Variants in DNAH10 observed in about 807,000 individuals in gnomAD.
The protein encoded by DNAH10 is axonemal beta dynein heavy chain 10.
A neutral mutation model predicts 506.6 loss-of-function variants in DNAH10; 348 were observed. The observed-to-expected ratio is 0.69, with a 90% confidence interval of 0.63 to 0.75. The LOEUF (loss-of-function observed/expected upper bound fraction) is 0.75, where lower values mean the gene tolerates loss of function less well. DNAH10 is among the 30% of genes least tolerant of loss of function. DNAH10 has a pLI of 0.00. For missense variants in DNAH10, 5,179 were observed against 5,787.1 expected (o/e 0.89, Z 3.41); for synonymous variants, 2,059 against 2,198.6 (o/e 0.94, Z 1.78).
chr12:123,878,860 A>G (rs541867529), intron 48 of DNAH10, among the ~76,000 whole-genome samples: 5 of 152,288 alleles, frequency 3.3e-5, no homozygotes, highest in East Asian at 1.9e-4. Context: ...GATTGTGCCA[A>G]TGCACCAGCC....
intron 32 of DNAH10, among the ~76,000 whole-genome samples, chr12:123,847,416 C>G (rs762101619): frequency 1.7e-4 from 26 of 152,108 alleles, no homozygotes. Flanking sequence ...TCTGATTACT[C>G]TCACAATCTG....
chr12:123,864,558 C>G (rs376646655), intron 39 of DNAH10, 37 bp from the exon 40 acceptor site: 5 of 1,609,760 alleles, frequency 3.1e-6, no homozygotes, highest in South Asian at 1.1e-5. Flanking sequence ...TGGAAGCTCT[C>G]TAGGACCCAT....
intron 18 of DNAH10, 129 bp downstream of exon 18, chr12:123,805,169 G>A: frequency 1.1e-6 from 1 of 935,566 alleles, no homozygotes; most frequent in Non-Finnish European, 1.6e-6. Flanking sequence ...CTTTCTGGCA[G>A]AAGGGCACTC....
rs1594094361 is a variant in DNAH10 at position 123,814,075 on chromosome 12, A to G, written c.3780+163A>G. 3 of 631,558 alleles carry G rather than the reference A, an allele frequency of 4.8e-6. No individual in the cohort carries two copies. In the East Asian group the frequency reaches 9.1e-5, roughly 19 times the overall value. 39.1% of individuals were successfully genotyped at this position (631,558 alleles called of 1,614,324 possible). A position where few individuals can be genotyped will look rare whatever the true frequency, so the allele number is the denominator to read the frequency against. The stretch of plus-strand genomic sequence containing the variant: ...AGCAATGCCACTGTTATTTAGAATA[A>G]TGAAAATATAGAGTATTTTTCAATC... On this transcript the variant is annotated intron_variant, in intron 21 of 78. Transcript: ENST00000673944.
At chr12:123,779,287 C>A (rs1452240145) in intron 5 of DNAH10, among the ~76,000 whole-genome samples, 1 of 152,040 alleles carries the variant, frequency 6.6e-6, no homozygotes, top group Non-Finnish European at 1.5e-5. Context: ...GAGATTTTCC[C>A]GCCTTGGCCT....
chr12:123,904,609 C>G (rs1366173137), intron 57 of DNAH10, among the ~76,000 whole-genome samples: 1 of 152,136 alleles, frequency 6.6e-6, no homozygotes, highest in African/African-American at 2.4e-5. Context: ...GCCCCGCTCA[C>G]CCCTGAGAAA....
At chr12:123,794,558 A>T (rs1958204080) in intron 12 of DNAH10, among the ~76,000 whole-genome samples, 1 of 152,224 alleles carries the variant, frequency 6.6e-6, no homozygotes, top group Non-Finnish European at 1.5e-5. Flanking sequence ...AAAAATGCTT[A>T]TAATCTGCTG....
chr12:123,873,622 C>T lies in DNAH10; in HGVS notation c.7850C>T (p.Ala2617Val). 6.2e-7 allele frequency: 1 copy of T among 1,613,902 alleles called. No homozygotes were observed. Among genetic ancestry groups the T allele is most frequent in the South Asian group, 1.1e-5 (1 of 91,068 alleles). ...TSMDIQRNLE[A>V]NVEKRTKDTY... ...ATGGATATCCAAAGAAATTTAGAAG[C>T]AAATGTGGAAAAGCGAACCAAAGAT... Residue 2617 changes from alanine to valine, a missense_variant, in exon 46 of 79, where the codon GCA (alanine) becomes GTA (valine). By Grantham distance (64) the Ala-to-Val change is moderately conservative. This residue lies in a region of DNAH10 where 4,844 missense variants were observed against 5,430.5 expected (regional missense o/e 0.89). Transcript: ENST00000673944.
intron 30 of DNAH10, among the ~76,000 whole-genome samples, chr12:123,843,942 C>T (rs560208424): frequency 1.7e-4 from 26 of 152,282 alleles, no homozygotes; most frequent in Non-Finnish European, 3.2e-4. Flanking sequence ...TATAGTAATC[C>T]GCAGTCACTT....
Position 123,835,630 on chromosome 12 carries a change from C to T in DNAH10, c.4902+102C>T, listed in dbSNP as rs186851670. 6.2e-5 allele frequency: 90 copies of T among 1,459,510 alleles called. No individual in the cohort carries two copies. The African/African-American group carries it at 1.0e-3, about 17-fold the overall frequency. The allele number at this position is 1,459,510 out of a possible 1,614,324, so 90.4% of individuals were successfully genotyped here. A position where few individuals can be genotyped will look rare whatever the true frequency, so the allele number is the denominator to read the frequency against. ...TGTATTTTCTCCATTAGTAGCTTCT[C>T]TCTCATTTTTTAGAGACAGGGTTTT... is the stretch of plus-strand genomic sequence containing the variant. On this transcript the variant is annotated intron_variant, in intron 28 of 78. Transcript: ENST00000673944.
chr12:123,935,533 G>GAA lies in DNAH10; in HGVS notation c.*52_*53insAA. On this transcript the variant is annotated 3_prime_UTR_variant, in exon 79 of 79. Transcript: ENST00000673944. ...GAATTCGGAGCCTGGGGTTGTCAGA[G>GAA]TGATCGGGTCTGCTGTCATTTCTTG... 1 of 1,086,992 alleles carries GAA rather than the reference G, an allele frequency of 9.2e-7. No individual in the cohort carries two copies. Among genetic ancestry groups the GAA allele is most frequent in the Non-Finnish European group, 1.3e-6 (1 of 753,450 alleles). 67.3% of individuals were successfully genotyped at this position (1,086,992 alleles called of 1,614,324 possible).
At chr12:123,830,746 A>C (rs2136498501) in intron 26 of DNAH10, 47 bp downstream of exon 26, 1 of 1,527,762 alleles carries the variant, frequency 6.5e-7, no homozygotes, top group Non-Finnish European at 8.8e-7. Flanking sequence ...TCTTTTTTTA[A>C]TTCAAAGAGA....
chr12:123,882,542 C>T (rs1952551575), intron 51 of DNAH10, among the ~76,000 whole-genome samples: 1 of 152,124 alleles, frequency 6.6e-6, no homozygotes, highest in Non-Finnish European at 1.5e-5. Flanking sequence ...CCAGTAATCC[C>T]AGCACTTTGG....
chr12:123,814,912 C>T (rs578007105), intron 21 of DNAH10, among the ~76,000 whole-genome samples: 7 of 152,252 alleles, frequency 4.6e-5, no homozygotes, highest in South Asian at 2.1e-4. Flanking sequence ...CCACCGCGCC[C>T]GGCCTAGCCA....
Position 123,859,279 on chromosome 12 carries a change from C to G in DNAH10, c.6749+11C>G, listed in dbSNP as rs759012698. The G allele has an allele frequency of 1.9e-6, 3 of 1,572,250 alleles. No individual in the cohort carries two copies. The highest frequency in any genetic ancestry group is 2.4e-5 in the South Asian group (2 of 83,184). On this transcript the variant is annotated intron_variant, in intron 38 of 78. Transcript: ENST00000673944. ...TCAGGCCCAGACCAAGTGAGTATGA[C>G]CTCCGTAGGGAGGGCCTGGCTGCCA... is the stretch of plus-strand genomic sequence containing the variant.
chr12:123,840,394 G>GTTT (rs71088961), intron 29 of DNAH10, among the ~76,000 whole-genome samples: 8 of 37,786 alleles, frequency 2.1e-4, no homozygotes, highest in Non-Finnish European at 3.2e-4. Context: ...TCTGTTTCCA[G>GTTT]TTTTTTTTTT....
At chr12:123,864,846 G>A in intron 40 of DNAH10, 116 bp downstream of exon 40, 3 of 1,272,420 alleles carry the variant, frequency 2.4e-6, no homozygotes, top group East Asian at 2.6e-5. Flanking sequence ...CAATGCATAA[G>A]GGTTTATAAT....
In DNAH10 at chr12:123,913,031, G is replaced by A. The variant is rs1954300049; in HGVS notation, c.10135-67G>A. On this transcript the variant is annotated intron_variant, in intron 59 of 78. Coordinates refer to ENST00000673944, the MANE Select transcript of DNAH10 (RefSeq NM_001372106.1). This position sits in a 1 kb window ranked among gnomAD's most constrained non-coding sequence, Gnocchi z 5.1. Reference sequence around the variant, plus strand: ...GCAGTTTAGACATGTGGCCTGGTTTGAGGCCATGGGATCGCGGCCCCACCA... The same window carrying A: ...GCAGTTTAGACATGTGGCCTGGTTTAAGGCCATGGGATCGCGGCCCCACCA... 2 of 1,464,340 alleles carry A rather than the reference G, an allele frequency of 1.4e-6. No individual in the cohort carries two copies. The highest frequency in any genetic ancestry group is 1.9e-6 in the Non-Finnish European group (2 of 1,075,904). 90.7% of individuals were successfully genotyped at this position (1,464,340 alleles called of 1,614,324 possible). A position where few individuals can be genotyped will look rare whatever the true frequency, so the allele number is the denominator to read the frequency against.
intron 8 of DNAH10, among the ~76,000 whole-genome samples, chr12:123,784,445 G>A (rs963315772): frequency 6.6e-6 from 1 of 152,126 alleles, no homozygotes; most frequent in Admixed American, 6.6e-5. Flanking sequence ...TACTCAGGAG[G>A]CTGAGGTGGA....
Sources: gnomAD v4.1 joint callset for allele counts (sites outside exome capture counted in the v4.1 genomes callset) on GRCh38, gnomAD v4.1.1 for gene constraint, gnomAD v4.1.1 regional missense constraint, Gnocchi (gnomAD v3.1) non-coding constraint, MANE v1.5 for transcripts, NCBI Gene and HGNC (gene_info 2026-07-23, HGNC 2026-07-21) for gene names.